Variants in MAPKAP1 observed in about 807,000 individuals in gnomAD.
The protein encoded by MAPKAP1 is target of rapamycin complex 2 subunit MAPKAP1.
Under a neutral mutation model 65.7 loss-of-function variants are expected in MAPKAP1, and 20 were observed. The observed-to-expected ratio is 0.30, with a 90% CI of 0.21 to 0.44. The LOEUF (loss-of-function observed/expected upper bound fraction) is 0.44, where lower values mean the gene tolerates loss of function less well. MAPKAP1 is among the 20% of genes least tolerant of loss of function. The pLI, the probability that MAPKAP1 is intolerant of heterozygous loss-of-function variation, is 1.00. For missense variants in MAPKAP1, 423 were observed against 648.0 expected, an observed-to-expected ratio of 0.65 and a Z score of 3.77; for synonymous variants, 222 against 244.3, an observed-to-expected ratio of 0.91 and a Z score of 0.85.
intron 8 of MAPKAP1, among the ~76,000 whole-genome samples, chr9:125,489,397 G>A (rs916157898): frequency 6.6e-6 from 1 of 152,146 alleles, no homozygotes; most frequent in African/African-American, 2.4e-5. Context: ...AGTCGGGAGG[G>A]TTAATGTCTC....
At chr9:125,684,983 A>G (rs1230575229) in intron 1 of MAPKAP1, among the ~76,000 whole-genome samples, 2 of 152,178 alleles carry the variant, frequency 1.3e-5, no homozygotes, top group African/African-American at 4.8e-5. Context: ...TGCTCCCTCC[A>G]TGTGCCCATT....
At position 125,689,159 on chromosome 9, in the gene MAPKAP1, C is replaced by T. The variant is rs190271298; in HGVS notation, c.-69-16516G>A. 7.0e-4 allele frequency among the ~76,000 whole-genome samples: 107 copies of T among 152,160 alleles called. 1 individual carries two copies. Among genetic ancestry groups the T allele is most frequent in the Admixed American group, 1.5e-3 (23 of 15,292 alleles). On this transcript the variant is annotated intron_variant, in intron 1 of 11. Transcript: ENST00000265960. ...TGGCCACAATAAAGAACAGGCCAGCCGGGCGCGGTGGCTCACGCCTGTAAT... is the reference window on the plus strand; with the variant it reads ...TGGCCACAATAAAGAACAGGCCAGCTGGGCGCGGTGGCTCACGCCTGTAAT...
chr9:125,459,688 G>A (rs1853386004), intron 10 of MAPKAP1, among the ~76,000 whole-genome samples: 1 of 152,190 alleles, frequency 6.6e-6, no homozygotes, highest in Non-Finnish European at 1.5e-5. Context: ...GGCGGCACGC[G>A]CCTGCAATCG....
intron 5 of MAPKAP1, among the ~76,000 whole-genome samples, chr9:125,565,118 A>T (rs951248371): frequency 4.6e-5 from 7 of 152,194 alleles, no homozygotes; most frequent in African/African-American, 1.7e-4. Context: ...ATATCTCCAA[A>T]TCTTTAATGA....
At chr9:125,657,523 G>T in intron 4 of MAPKAP1, 128 bp downstream of exon 4, 1 of 828,472 alleles carries the variant, frequency 1.2e-6, no homozygotes, top group Non-Finnish European at 1.8e-6. Flanking sequence ...AAATGTAAGT[G>T]ACATTCTATA....
intron 8 of MAPKAP1, among the ~76,000 whole-genome samples, chr9:125,503,873 C>T (rs1371873329): frequency 2.0e-4 from 24 of 120,174 alleles, no homozygotes; most frequent in African/African-American, 8.9e-4. Flanking sequence ...CCCGCCACCA[C>T]GCTTGGCTTT....
intron 9 of MAPKAP1, among the ~76,000 whole-genome samples, chr9:125,477,575 G>A (rs1854157140): frequency 6.6e-6 from 1 of 152,180 alleles, no homozygotes; most frequent in Non-Finnish European, 1.5e-5. Flanking sequence ...GCATATAAGA[G>A]GTGTTCACTG....
At chr9:125,638,966 T>C (rs570767724) in intron 4 of MAPKAP1, among the ~76,000 whole-genome samples, 2 of 152,332 alleles carry the variant, frequency 1.3e-5, no homozygotes, top group African/African-American at 2.4e-5. Flanking sequence ...CCTTCAAATA[T>C]AGAGATTTAA....
Position 125,577,839 on chromosome 9 carries a change from C to A in MAPKAP1, c.671+7716G>T, listed in dbSNP as rs376072735. ...GTCAGCCCCCGGCCCGGCCAACCGCCCCGTCCGGGAGCTGAGGGGCGCCTC... is the reference window on the plus strand; with the variant it reads ...GTCAGCCCCCGGCCCGGCCAACCGCACCGTCCGGGAGCTGAGGGGCGCCTC... On this transcript the variant is annotated intron_variant, in intron 5 of 11. Coordinates refer to ENST00000265960, the MANE Select transcript of MAPKAP1 (RefSeq NM_001006617.3). Among the ~76,000 whole-genome samples the A allele has an allele frequency of 9.9e-5, 15 of 150,900 alleles. No homozygotes were observed. The East Asian group carries it at 3.0e-3, about 30-fold the overall frequency.
chr9:125,669,798 T>C lies in MAPKAP1; in HGVS notation c.349+20A>G. 7.8e-7 allele frequency: 1 copy of C among 1,276,658 alleles called. No individual in the cohort carries two copies. Among genetic ancestry groups the C allele is most frequent in the Non-Finnish European group, 1.1e-6 (1 of 901,584 alleles). The allele number at this position is 1,276,658 out of a possible 1,614,324, so 79.1% of individuals were successfully genotyped here. A position where few individuals can be genotyped will look rare whatever the true frequency, so the allele number is the denominator to read the frequency against. On this transcript the variant is annotated intron_variant, in intron 3 of 11. Coordinates refer to ENST00000265960, the MANE Select transcript of MAPKAP1 (RefSeq NM_001006617.3). The stretch of plus-strand genomic sequence containing the variant: ...AAATATATAAATCTCAAATTAAGAA[T>C]TAAAATCATTTCCATTTACCTGATT...
At chr9:125,463,413 CTTTAA>C (rs1853570587) in intron 10 of MAPKAP1, among the ~76,000 whole-genome samples, 1 of 152,336 alleles carries the variant, frequency 6.6e-6, no homozygotes, top group Admixed American at 6.5e-5. Flanking sequence ...TATTCAGTAG[CTTTAA>C]TTTAATTAGT....
At chr9:125,598,134 C>T (rs2416964) in intron 4 of MAPKAP1, among the ~76,000 whole-genome samples, 43,733 of 151,148 alleles carry the variant, frequency 0.29, 6,960 homozygotes, top group Non-Finnish European at 0.36. Context: ...AAAATTCTGG[C>T]TTTATGGACT....
At chr9:125,468,323 G>C (rs1485154718) in intron 9 of MAPKAP1, among the ~76,000 whole-genome samples, 3 of 152,110 alleles carry the variant, frequency 2.0e-5, no homozygotes, top group African/African-American at 4.8e-5. Flanking sequence ...CTGGGTGGGT[G>C]AGTTGAGGGT....
intron 4 of MAPKAP1, among the ~76,000 whole-genome samples, chr9:125,635,692 A>T (rs118050032): frequency 6.6e-6 from 1 of 152,220 alleles, no homozygotes; most frequent in Non-Finnish European, 1.5e-5. Context: ...CTACACTATA[A>T]ATCATGCTAA....
In MAPKAP1 at chr9:125,647,678, G is replaced by A. The variant is rs181033100; in HGVS notation, c.498+9973C>T. Among the ~76,000 whole-genome samples the A allele has an allele frequency of 5.3e-5, 8 of 152,306 alleles. No individual in the cohort carries two copies. In the East Asian group the frequency reaches 1.5e-3, roughly 29 times the overall value. ...TTCTCCACTTGATGGCCATATGGCC[G>A]CTCTTGTCTTTTAAGTTCCCCAAGG... On this transcript the variant is annotated intron_variant, in intron 4 of 11. Transcript: ENST00000265960.
intron 10 of MAPKAP1, among the ~76,000 whole-genome samples, chr9:125,462,878 T>A (rs1435089220): frequency 6.6e-6 from 1 of 152,238 alleles, no homozygotes; most frequent in East Asian, 1.9e-4. Context: ...CTGGAAAAGC[T>A]ATTTTTGTAC....
chr9:125,648,369 C>T (rs1477680707), intron 4 of MAPKAP1, among the ~76,000 whole-genome samples: 1 of 152,182 alleles, frequency 6.6e-6, no homozygotes, highest in Non-Finnish European at 1.5e-5. Flanking sequence ...ATCTGTACCC[C>T]CCTACATCTC....
chr9:125,513,782 G>A (rs923292547), intron 7 of MAPKAP1, among the ~76,000 whole-genome samples: 5 of 152,172 alleles, frequency 3.3e-5, no homozygotes, highest in Admixed American at 1.3e-4. Context: ...AGGGCACACC[G>A]GGGCAGGGAA....
intron 3 of MAPKAP1, among the ~76,000 whole-genome samples, chr9:125,661,248 C>T (rs943673680): frequency 2.6e-5 from 4 of 152,078 alleles, no homozygotes; most frequent in Non-Finnish European, 2.9e-5. Context: ...CATGAAACAG[C>T]GAAAGTCCTA....
Sources: allele counts gnomAD v4.1 joint callset (sites outside exome capture counted in the v4.1 genomes callset), GRCh38; gene constraint gnomAD v4.1.1; transcripts MANE v1.5; gene names NCBI Gene and HGNC (gene_info 2026-07-23, HGNC 2026-07-21).